HIBCH: variants seen among roughly 807,000 people sequenced by gnomAD.
HIBCH encodes the protein 3-hydroxyisobutyryl-CoA hydrolase.
A neutral mutation model predicts 58.2 loss-of-function variants in HIBCH; 50 were observed. That is an observed-to-expected ratio of 0.86 (90% CI 0.68 to 1.09). HIBCH has a LOEUF of 1.09. HIBCH is among the 50% of genes least tolerant of loss of function. HIBCH has a pLI of 0.00. For synonymous variants in HIBCH, 151 were observed against 146.9 expected (o/e 1.03, Z -0.20); for missense variants, 450 against 449.7 (o/e 1.00, Z -0.01).
At chr2:190,252,066 A>G (rs1192555780) in intron 8 of HIBCH, 96 bp downstream of exon 8, 3 of 1,138,272 alleles carry the variant, frequency 2.6e-6, no homozygotes, top group Admixed American at 3.4e-5. Context: ...CGATTTCACC[A>G]GAAGTCTGTG....
rs556312087 is a variant in HIBCH, at chr2:190,204,484, T to C, written c.*633A>G. The C allele has an allele frequency of 3.9e-5, 6 of 152,248 alleles. No homozygotes were observed. The highest frequency in any genetic ancestry group is 1.4e-4 in the African/African-American group (6 of 41,558). 9.4% of individuals were successfully genotyped at this position (152,248 alleles called of 1,614,324 possible). A position where few individuals can be genotyped will look rare whatever the true frequency, so the allele number is the denominator to read the frequency against. The stretch of plus-strand genomic sequence containing the variant: ...AAGAGGGACGTTAATAAAAATCTTT[T>C]CTCTCTGCCCAAGGTTTCTAATGTT... On this transcript the variant is annotated 3_prime_UTR_variant, in exon 14 of 14. Transcript: ENST00000359678.
At position 190,244,972 on chromosome 2, in the gene HIBCH, T is replaced by A. The variant is rs573302664; in HGVS notation, c.810-4A>T. ...CACAGTATTGGCTGAAAAACAACTATAAAAAAAGGAAATGTGATTTCACCA... is the reference window on the plus strand; with the variant it reads ...CACAGTATTGGCTGAAAAACAACTAAAAAAAAAGGAAATGTGATTTCACCA... On this transcript the variant is annotated splice_polypyrimidine_tract_variant and splice_region_variant and intron_variant, in intron 10 of 13. Transcript: ENST00000359678. 2 of 1,561,524 alleles carry A rather than the reference T, an allele frequency of 1.3e-6. No individual in the cohort carries two copies. The highest frequency in any genetic ancestry group is 1.8e-6 in the Non-Finnish European group (2 of 1,132,206).
intron 7 of HIBCH, among the ~76,000 whole-genome samples, chr2:190,258,671 G>A (rs1281367548): frequency 2.6e-5 from 4 of 152,152 alleles, no homozygotes; most frequent in South Asian, 2.1e-4. Flanking sequence ...AGCTTTTGGC[G>A]TCAAAGCCAA....
intron 11 of HIBCH, among the ~76,000 whole-genome samples, chr2:190,223,372 C>A (rs113503569): frequency 3.5e-4 from 54 of 152,316 alleles, no homozygotes; most frequent in African/African-American, 1.2e-3. Flanking sequence ...GTATATGGTA[C>A]TACATGCATG....
intron 4 of HIBCH, among the ~76,000 whole-genome samples, chr2:190,293,146 C>T (rs1479074506): frequency 6.6e-6 from 1 of 151,962 alleles, no homozygotes; most frequent in Non-Finnish European, 1.5e-5. Flanking sequence ...AACTGACGAT[C>T]ACAGGCCAGA....
intron 6 of HIBCH, among the ~76,000 whole-genome samples, chr2:190,274,915 G>C (rs767719817): frequency 6.6e-6 from 1 of 152,176 alleles, no homozygotes; most frequent in Non-Finnish European, 1.5e-5. Flanking sequence ...TTCCTTTCTA[G>C]GTACACATTT....
rs189793377 is a variant in HIBCH, at chr2:190,207,367, C to T, written c.1045+1513G>A. Reference sequence around the variant, plus strand: ...GTAATCCACATGCAGCAAGAATTTGCAGAGAATTTGTGAGGAAAATGCCTA... The same window carrying T: ...GTAATCCACATGCAGCAAGAATTTGTAGAGAATTTGTGAGGAAAATGCCTA... On this transcript the variant is annotated intron_variant, in intron 13 of 13. Transcript: ENST00000359678. This position sits in a 1 kb window ranked among gnomAD's most constrained non-coding sequence, Gnocchi z 4.5. Among the ~76,000 whole-genome samples the T allele has an allele frequency of 6.6e-6, 1 of 152,104 alleles. No homozygotes were observed. The highest frequency in any genetic ancestry group is 1.9e-4 in the East Asian group (1 of 5,200).
At chr2:190,234,494 T>C (rs1687033876) in intron 11 of HIBCH, among the ~76,000 whole-genome samples, 1 of 152,176 alleles carries the variant, frequency 6.6e-6, no homozygotes, top group Non-Finnish European at 1.5e-5. Flanking sequence ...GTCATGTAAG[T>C]ACAATCTGGA....
chr2:190,302,635 A>G (rs1433758544), intron 2 of HIBCH, among the ~76,000 whole-genome samples: 1 of 152,174 alleles, frequency 6.6e-6, no homozygotes, highest in Admixed American at 6.5e-5. Flanking sequence ...GGGAAGAAAG[A>G]CTAATGGTGG....
chr2:190,230,872 C>T (rs570062785), intron 11 of HIBCH, among the ~76,000 whole-genome samples: 1 of 152,242 alleles, frequency 6.6e-6, no homozygotes, highest in Non-Finnish European at 1.5e-5. Flanking sequence ...ATTACTAAAA[C>T]TTGACATGAC....
chr2:190,218,157 C>T (rs1685613523), intron 11 of HIBCH, among the ~76,000 whole-genome samples: 1 of 150,676 alleles, frequency 6.6e-6, no homozygotes, highest in Non-Finnish European at 1.5e-5. Context: ...GAACCAAAGG[C>T]AGTTGTCACA....
intron 2 of HIBCH, among the ~76,000 whole-genome samples, chr2:190,309,887 G>T (rs774263543): frequency 9.9e-5 from 15 of 152,126 alleles, no homozygotes; most frequent in Non-Finnish European, 1.8e-4. Flanking sequence ...TGATTGGATT[G>T]AAGGATGAAA....
chr2:190,318,195 G>T (rs774741849), intron 1 of HIBCH, among the ~76,000 whole-genome samples: 1 of 151,870 alleles, frequency 6.6e-6, no homozygotes, highest in Non-Finnish European at 1.5e-5. Context: ...TTAGAGCTCA[G>T]GGCAAGTCAG....
At position 190,304,496 on chromosome 2, in the gene HIBCH, T is replaced by C. The variant is rs953646148; in HGVS notation, c.78+6258A>G. 1.3e-5 allele frequency among the ~76,000 whole-genome samples: 2 copies of C among 152,172 alleles called. No individual in the cohort carries two copies. The highest frequency in any genetic ancestry group is 4.8e-5 in the African/African-American group (2 of 41,438). On this transcript the variant is annotated intron_variant, in intron 2 of 13. Coordinates refer to ENST00000359678, the MANE Select transcript of HIBCH (RefSeq NM_014362.4). This position sits in a 1 kb window ranked among gnomAD's most constrained non-coding sequence, Gnocchi z 4.1. ...AATCAATTAATGGATTAATCCTTCG[T>C]GAGGACAGAGGCCTCGTGACCCAAT...
rs1309402240 is a variant in HIBCH, at chr2:190,211,362, G to A, written c.1011+1594C>T. 6.6e-6 allele frequency among the ~76,000 whole-genome samples: 1 copy of A among 151,912 alleles called. No homozygotes were observed. Among genetic ancestry groups the A allele is most frequent in the African/African-American group, 2.4e-5 (1 of 41,326 alleles). On this transcript the variant is annotated intron_variant, in intron 12 of 13. Transcript: ENST00000359678. The surrounding 1 kb of genome is among the most constrained non-coding windows in gnomAD (Gnocchi z 5.0). ...TCAAATCCATTTACTTCTCTCAATT[G>A]CCACCATGCTTGTCTCAAAACTACT...
intron 9 of HIBCH, among the ~76,000 whole-genome samples, chr2:190,247,914 T>G (rs1026310961): frequency 1.7e-4 from 26 of 152,230 alleles, no homozygotes; most frequent in Admixed American, 1.3e-4. Context: ...GCACACTTAA[T>G]AGACTACAGT....
chr2:190,240,469 T>C (rs7580863), intron 11 of HIBCH, among the ~76,000 whole-genome samples: 1 of 151,946 alleles, frequency 6.6e-6, no homozygotes, highest in African/African-American at 2.4e-5. Flanking sequence ...TTTTTTGAAG[T>C]GTTTTTTTTC....
intron 4 of HIBCH, among the ~76,000 whole-genome samples, chr2:190,292,774 T>TA: frequency 6.6e-6 from 1 of 152,360 alleles, no homozygotes; most frequent in Admixed American, 6.5e-5. Context: ...GAAAGGAATG[T>TA]AAGTTTTATC....
chr2:190,229,115 A>C (rs1686014952), intron 11 of HIBCH, among the ~76,000 whole-genome samples: 1 of 152,222 alleles, frequency 6.6e-6, no homozygotes, highest in Admixed American at 6.5e-5. Flanking sequence ...GCAAAGGTAG[A>C]GGCTATATCC....
Sources: gnomAD v4.1 joint callset for allele counts (sites outside exome capture counted in the v4.1 genomes callset) on GRCh38, gnomAD v4.1.1 for gene constraint, Gnocchi (gnomAD v3.1) non-coding constraint, MANE v1.5 for transcripts, NCBI Gene and HGNC (gene_info 2026-07-23, HGNC 2026-07-21) for gene names.